Variants in FGD4 observed in about 807,000 individuals in gnomAD.
FGD4 encodes FYVE, RhoGEF and PH domain-containing protein 4.
FGD4 carries 42 observed loss-of-function variants against 102.0 expected under a neutral mutation model. The ratio of observed to expected loss-of-function variants is 0.41; its 90% CI spans 0.32 to 0.53. The LOEUF (loss-of-function observed/expected upper bound fraction) is 0.53, where lower values mean the gene tolerates loss of function less well. Ranked by LOEUF, FGD4 falls within the 20% of genes least tolerant of loss-of-function variation. FGD4 has a pLI of 0.21. For synonymous variants in FGD4, 380 were observed against 375.7 expected (o/e 1.01, Z -0.13); for missense variants, 902 against 1,078.2 (o/e 0.84, Z 2.29).
At chr12:32,491,630 C>G (rs948119500) in intron 1 of FGD4, among the ~76,000 whole-genome samples, 1 of 152,176 alleles carries the variant, frequency 6.6e-6, no homozygotes, top group African/African-American at 2.4e-5. Context: ...GTTTGTGAAA[C>G]TGTATCTGAA....
intron 1 of FGD4, among the ~76,000 whole-genome samples, chr12:32,414,476 AATT>A (rs1382447753): frequency 6.6e-6 from 1 of 152,098 alleles, no homozygotes; most frequent in Non-Finnish European, 1.5e-5. Context: ...TGTCCAATTA[AATT>A]ATTGACTATA....
intron 1 of FGD4, among the ~76,000 whole-genome samples, chr12:32,447,648 A>C (rs1317716548): frequency 6.6e-6 from 1 of 152,254 alleles, no homozygotes; most frequent in Non-Finnish European, 1.5e-5. Context: ...TCTAGTCCTG[A>C]GCCATCCAAA....
chr12:32,470,610 C>T (rs1334127839), intron 1 of FGD4, among the ~76,000 whole-genome samples: 1 of 151,904 alleles, frequency 6.6e-6, no homozygotes, highest in African/African-American at 2.4e-5. Context: ...CACACCACTA[C>T]ACCTGGGTAA....
In FGD4 at chr12:32,640,272, T is replaced by A. The variant is rs1051526809; in HGVS notation, c.2455-4T>A. ...GCTTTTAATGTCTGATGTCTTTTCT[T>A]TAGGACGTCAGAGCCCAGGCCACCA... On this transcript the variant is annotated splice_region_variant and splice_polypyrimidine_tract_variant and intron_variant, in intron 16 of 16. Transcript: ENST00000534526. 4 of 1,614,194 alleles carry A rather than the reference T, an allele frequency of 2.5e-6. No homozygotes were observed. The highest frequency in any genetic ancestry group is 3.4e-6 in the Non-Finnish European group (4 of 1,180,032).
chr12:32,604,978 A>C (rs569372031), intron 7 of FGD4, among the ~76,000 whole-genome samples: 11 of 112,218 alleles, frequency 9.8e-5, no homozygotes, highest in Non-Finnish European at 1.5e-4. Context: ...TTGCTCTGTC[A>C]CCCAGGCTGG....
chr12:32,477,227 G>A lies in FGD4; in HGVS notation c.166+77268G>A, dbSNP rs369784587. Among the ~76,000 whole-genome samples, 18 of 151,930 alleles carry A rather than the reference G, an allele frequency of 1.2e-4. No homozygotes were observed. In the East Asian group the frequency reaches 3.5e-3, roughly 29 times the overall value. ...CGCTTGAACCCAGAAGGCAGAAGTT[G>A]TAGTGAGCTGAGATTATGCACTGCA... is the stretch of plus-strand genomic sequence containing the variant. On this transcript the variant is annotated intron_variant, in intron 1 of 16. Transcript: ENST00000534526.
At chr12:32,559,692 C>T (rs1042307434) in intron 1 of FGD4, among the ~76,000 whole-genome samples, 8 of 152,112 alleles carry the variant, frequency 5.3e-5, no homozygotes, top group Non-Finnish European at 7.3e-5. Flanking sequence ...ATGACACTTG[C>T]GAAACCTACC....
chr12:32,580,026 A>G (rs979713871), intron 3 of FGD4, among the ~76,000 whole-genome samples: 3 of 152,104 alleles, frequency 2.0e-5, no homozygotes, highest in Non-Finnish European at 2.9e-5. Context: ...TTATCCCGTT[A>G]CCTGCACAGG....
intron 1 of FGD4, among the ~76,000 whole-genome samples, chr12:32,534,675 C>T (rs539548077): frequency 6.6e-6 from 1 of 152,262 alleles, no homozygotes; most frequent in African/African-American, 2.4e-5. Flanking sequence ...TGGGTTTTGG[C>T]TCTCCAGGAG....
intron 1 of FGD4, among the ~76,000 whole-genome samples, chr12:32,421,838 A>G (rs963488998): frequency 6.6e-6 from 1 of 152,156 alleles, no homozygotes; most frequent in Non-Finnish European, 1.5e-5. Flanking sequence ...CACAGCTTGT[A>G]TAGAAAAAGA....
chr12:32,438,250 T>G (rs1455464812), intron 1 of FGD4, among the ~76,000 whole-genome samples: 1 of 152,196 alleles, frequency 6.6e-6, no homozygotes, highest in East Asian at 1.9e-4. Flanking sequence ...CTCACTTGCC[T>G]TATTGAAATG....
chr12:32,561,622 C>T (rs1286375739), intron 1 of FGD4, among the ~76,000 whole-genome samples: 16 of 152,128 alleles, frequency 1.1e-4, no homozygotes, highest in Admixed American at 1.0e-3. Flanking sequence ...TTCAATTATA[C>T]TGAATTTCCT....
chr12:32,551,703 C>CATGT (rs1205863926), intron 1 of FGD4, among the ~76,000 whole-genome samples: 1 of 152,158 alleles, frequency 6.6e-6, no homozygotes, highest in Non-Finnish European at 1.5e-5. Context: ...CCTAAGTGTG[C>CATGT]ATGTGCCTAG....
At chr12:32,449,610 C>T (rs1396314686) in intron 1 of FGD4, among the ~76,000 whole-genome samples, 1 of 152,194 alleles carries the variant, frequency 6.6e-6, no homozygotes, top group Non-Finnish European at 1.5e-5. Context: ...CTGTTTGTCC[C>T]ATTATTGATG....
chr12:32,446,706 C>T (rs1942625718), intron 1 of FGD4, among the ~76,000 whole-genome samples: 1 of 152,168 alleles, frequency 6.6e-6, no homozygotes, highest in Admixed American at 6.5e-5. Flanking sequence ...GTAGCATGTC[C>T]TGAGCCCTAT....
At chr12:32,601,174 A>C in intron 5 of FGD4, 104 bp from the exon 6 acceptor site, 1 of 1,190,502 alleles carries the variant, frequency 8.4e-7, no homozygotes, top group East Asian at 2.5e-5. Context: ...AAACTTTTCC[A>C]TTTGCTCAAT....
At chr12:32,618,929 A>G (rs1219213343) in intron 10 of FGD4, among the ~76,000 whole-genome samples, 1 of 152,218 alleles carries the variant, frequency 6.6e-6, no homozygotes, top group Non-Finnish European at 1.5e-5. Context: ...AGCCTGGGTG[A>G]TAGAGTGAGA....
At chr12:32,549,426 C>T (rs1277990640) in intron 1 of FGD4, among the ~76,000 whole-genome samples, 1 of 152,130 alleles carries the variant, frequency 6.6e-6, no homozygotes, top group Non-Finnish European at 1.5e-5. Context: ...TGAGTGCTTC[C>T]CCCTCGTCCT....
rs550947801 is a variant in FGD4 at position 32,561,947 on chromosome 12, G to A, written c.167-2190G>A. Among the ~76,000 whole-genome samples the A allele has an allele frequency of 1.1e-4, 16 of 152,280 alleles. 1 individual carries two copies. Among genetic ancestry groups the A allele is most frequent in the South Asian group, 1.0e-3 (5 of 4,826 alleles). ...TTGGAAAACATGGGTCACCGTTAGC[G>A]TATGTCATGGATGTTGATGTGGAGT... On this transcript the variant is annotated intron_variant, in intron 1 of 16. Transcript: ENST00000534526.
Sources: gnomAD v4.1 joint callset for allele counts (sites outside exome capture counted in the v4.1 genomes callset) on GRCh38, gnomAD v4.1.1 for gene constraint, MANE v1.5 for transcripts, NCBI Gene and HGNC (gene_info 2026-07-23, HGNC 2026-07-21) for gene names.